The following TASOR variants were observed in gnomAD, a reference collection of about 807,000 sequenced individuals.
TASOR encodes protein TASOR.
TASOR carries 53 observed loss-of-function variants against 178.6 expected under a neutral mutation model. The ratio of observed to expected loss-of-function variants is 0.30; its 90% CI spans 0.24 to 0.37. TASOR has a LOEUF of 0.37. TASOR is among the 10% of genes least tolerant of loss of function. TASOR has a pLI of 1.00. For missense variants in TASOR, 1,815 were observed against 1,971.4 expected, an observed-to-expected ratio of 0.92 and a Z score of 1.50; for synonymous variants, 713 against 696.2, an observed-to-expected ratio of 1.02 and a Z score of -0.38.
rs1178692442 is a variant in TASOR, at chr3:56,641,513, T to G, written c.2455A>C (p.Thr819Pro). The G allele has an allele frequency of 6.2e-7, 1 of 1,614,014 alleles. No individual in the cohort carries two copies. The highest frequency in any genetic ancestry group is 1.1e-5 in the South Asian group (1 of 91,082). ...RQKHEYELNS[T>P]PDKKDYEQPT... ...TGCTCATAGTCTTTCTTATCTGGGG[T>G]AGAGTTCAACTCATACTCATGTTTT... Residue 819 changes from threonine (T) to proline (P), a missense_variant, in exon 15 of 24, where the codon ACC becomes CCC. Physicochemically the swap from Thr to Pro is conservative, Grantham distance 38. Around this residue, in one of 5 missense-constraint regions of TASOR, gnomAD observed 655 missense variants for 671.1 expected, o/e 0.98. Coordinates refer to ENST00000683822, the MANE Select transcript of TASOR (RefSeq NM_001365635.2).
intron 1 of TASOR, among the ~76,000 whole-genome samples, chr3:56,679,821 T>C (rs796504537): frequency 1.3e-5 from 2 of 152,288 alleles, no homozygotes; most frequent in African/African-American, 4.8e-5. Context: ...ACCAACAAAA[T>C]GCAATTCTAC....
At chr3:56,661,879 C>CT (rs2077603372) in intron 9 of TASOR, among the ~76,000 whole-genome samples, 1 of 152,138 alleles carries the variant, frequency 6.6e-6, no homozygotes, top group Non-Finnish European at 1.5e-5. Flanking sequence ...AATCCCAACA[C>CT]TTCGTGAGGC....
intron 2 of TASOR, among the ~76,000 whole-genome samples, chr3:56,672,343 G>A (rs542940509): frequency 2.6e-5 from 4 of 152,030 alleles, no homozygotes; most frequent in African/African-American, 9.6e-5. Context: ...ACAAATAATC[G>A]CTACCATACC....
chr3:56,683,098 G>T lies in TASOR; in HGVS notation c.-92C>A. On this transcript the variant is annotated 5_prime_UTR_variant, in exon 1 of 24. Coordinates refer to ENST00000683822, the MANE Select transcript of TASOR (RefSeq NM_001365635.2). ...GGCGGGCCAGTCTCGCCGCCGAGCTGCTCTCAGCCCACCCACCCCCTTCCC... is the reference window on the plus strand; with the variant it reads ...GGCGGGCCAGTCTCGCCGCCGAGCTTCTCTCAGCCCACCCACCCCCTTCCC... 1 of 1,354,154 alleles carries T rather than the reference G, an allele frequency of 7.4e-7. No individual in the cohort carries two copies. The highest frequency in any genetic ancestry group is 9.8e-7 in the Non-Finnish European group (1 of 1,021,964). The allele number at this position is 1,354,154 out of a possible 1,614,324, so 83.9% of individuals were successfully genotyped here.
chr3:56,662,436 A>T lies in TASOR; in HGVS notation c.1109T>A (p.Leu370Ter). The change falls in exon 9 of 24, where the codon TTG becomes TAG. Residue 370 changes from leucine (L) to a stop codon, truncating the protein, a stop_gained. Transcript: ENST00000683822. LOFTEE classifies it high-confidence loss of function. ...GGCTGACCTCAGAGAAATATAACAC[A>T]AAAGTTTTCCTTTATTTAAAAGCTG... The part of the protein sequence containing the change: ...KGQLLNKGKL[L>*]CYISLRSATR... 1 of 1,548,640 alleles carries T rather than the reference A, an allele frequency of 6.5e-7. No homozygotes were observed. The highest frequency in any genetic ancestry group is 8.7e-7 in the Non-Finnish European group (1 of 1,145,482).
intron 1 of TASOR, 57 bp from the exon 2 acceptor site, chr3:56,673,782 CT>C: frequency 7.2e-7 from 1 of 1,390,648 alleles, no homozygotes; most frequent in Non-Finnish European, 9.5e-7. Flanking sequence ...TTAAATATAG[CT>C]TTTTATATTT....
rs537265034 is a variant in TASOR, at chr3:56,657,408, T to C, written c.1368+3323A>G. Reference sequence around the variant, plus strand: ...TGAAAAGAAAACTTCCCTGGATTTCTACGTGCCACTGCAAAAAGTCCTAGC... The same window carrying C: ...TGAAAAGAAAACTTCCCTGGATTTCCACGTGCCACTGCAAAAAGTCCTAGC... On this transcript the variant is annotated intron_variant, in intron 11 of 23. Transcript: ENST00000683822. Among the ~76,000 whole-genome samples, 300 of 152,184 alleles carry C rather than the reference T, an allele frequency of 2.0e-3. 12 individuals are homozygous for C. The South Asian group carries it at 0.058, about 29-fold the overall frequency.
In TASOR at chr3:56,627,215, T is replaced by C. The variant is rs558938070; in HGVS notation, c.4031-70A>G. The stretch of plus-strand genomic sequence containing the variant: ...TTCCATAAGTGAATTATGAAAGAAG[T>C]GTTTTTTCATATTATGTAGAAACAC... On this transcript the variant is annotated intron_variant, in intron 20 of 23. Transcript: ENST00000683822. 4.6e-5 allele frequency: 42 copies of C among 922,512 alleles called. No homozygotes were observed. In the South Asian group the frequency reaches 6.5e-4, roughly 14 times the overall value. 57.1% of individuals were successfully genotyped at this position (922,512 alleles called of 1,614,324 possible).
intron 18 of TASOR, 151 bp from the exon 19 acceptor site, chr3:56,628,765 C>T (rs928962514): frequency 4.5e-6 from 2 of 439,804 alleles, no homozygotes; most frequent in Non-Finnish European, 7.8e-6. Flanking sequence ...CCATCAAATC[C>T]TTTTTTTTTT....
At chr3:56,673,446 A>C (rs1341349130) in intron 2 of TASOR, 134 bp downstream of exon 2, 3 of 651,438 alleles carry the variant, frequency 4.6e-6, no homozygotes, top group Non-Finnish European at 4.6e-6. Flanking sequence ...AAAAAAAAAA[A>C]AAAAAAAAAA....
intron 23 of TASOR, among the ~76,000 whole-genome samples, chr3:56,624,132 G>C (rs568510812): frequency 6.6e-6 from 1 of 152,178 alleles, no homozygotes; most frequent in South Asian, 2.1e-4. Context: ...GCCATATCTG[G>C]TTTCCTACCT....
intron 18 of TASOR, among the ~76,000 whole-genome samples, chr3:56,632,462 G>A (rs1404213728): frequency 1.4e-5 from 2 of 139,308 alleles, no homozygotes; most frequent in South Asian, 2.5e-4. Context: ...GCGACAGAAG[G>A]AGACTCTGTC....
At chr3:56,659,311 C>T (rs1436626540) in intron 11 of TASOR, among the ~76,000 whole-genome samples, 1 of 152,202 alleles carries the variant, frequency 6.6e-6, no homozygotes, top group Non-Finnish European at 1.5e-5. Context: ...TTGTATCCCT[C>T]TTTCTTGGAA....
Position 56,621,328 on chromosome 3 carries a change from T to G in TASOR, c.*1709A>C, listed in dbSNP as rs1052490619. ...GAAAATTTTCATCCCTATTGATTTTTATGCTAAAAACAGAATCTTACAAAT... is the reference window on the plus strand; with the variant it reads ...GAAAATTTTCATCCCTATTGATTTTGATGCTAAAAACAGAATCTTACAAAT... On this transcript the variant is annotated 3_prime_UTR_variant, in exon 24 of 24. Coordinates refer to ENST00000683822, the MANE Select transcript of TASOR (RefSeq NM_001365635.2). The G allele has an allele frequency of 1.3e-5, 5 of 381,834 alleles. No homozygotes were observed. Among genetic ancestry groups the G allele is most frequent in the Non-Finnish European group, 2.3e-5 (5 of 212,818 alleles). 23.7% of individuals were successfully genotyped at this position (381,834 alleles called of 1,614,324 possible). A position where few individuals can be genotyped will look rare whatever the true frequency, so the allele number is the denominator to read the frequency against.
chr3:56,669,754 C>A lies in TASOR; in HGVS notation c.681G>T (p.Ala227=). The stretch of plus-strand genomic sequence containing the variant: ...CCATTGCCCCCGTGTCCAAAGGATT[C>A]GCTTGTAATAAATCAGCATACCTAG... ...YLSRYADLLQ[A]NPLDTGAMGD... Residue 227 remains alanine, a synonymous_variant, in exon 5 of 24, where the codon GCG becomes GCT. Coordinates refer to ENST00000683822, the MANE Select transcript of TASOR (RefSeq NM_001365635.2). 2.6e-6 allele frequency: 4 copies of A among 1,549,134 alleles called. No individual in the cohort carries two copies. Among genetic ancestry groups the A allele is most frequent in the Non-Finnish European group, 3.5e-6 (4 of 1,145,918 alleles).
At chr3:56,647,844 G>C (rs992132389) in intron 13 of TASOR, among the ~76,000 whole-genome samples, 6 of 152,172 alleles carry the variant, frequency 3.9e-5, no homozygotes, top group Admixed American at 3.9e-4. Flanking sequence ...CCTGGCAAAT[G>C]ATGCTTTAGA....
intron 1 of TASOR, among the ~76,000 whole-genome samples, chr3:56,681,493 G>A (rs2031777181): frequency 6.6e-6 from 1 of 152,090 alleles, no homozygotes; most frequent in Non-Finnish European, 1.5e-5. Flanking sequence ...CCAAACAAAT[G>A]AACTTTATTT....
At chr3:56,679,136 T>C (rs2031579688) in intron 1 of TASOR, among the ~76,000 whole-genome samples, 1 of 152,162 alleles carries the variant, frequency 6.6e-6, no homozygotes, top group Non-Finnish European at 1.5e-5. Flanking sequence ...GGATCTGAAA[T>C]TTTCTGAATT....
chr3:56,653,034 G>C (rs1419472146), intron 11 of TASOR, among the ~76,000 whole-genome samples: 8 of 151,968 alleles, frequency 5.3e-5, no homozygotes, highest in Non-Finnish European at 7.4e-5. Flanking sequence ...GGAGGCCGAG[G>C]CCAGTGGATC....
Sources: allele counts gnomAD v4.1 joint callset (sites outside exome capture counted in the v4.1 genomes callset), GRCh38; gene constraint gnomAD v4.1.1; regional missense constraint gnomAD v4.1.1; transcripts MANE v1.5; gene names NCBI Gene and HGNC (gene_info 2026-07-23, HGNC 2026-07-21).